The following WDFY4 variants were observed in gnomAD, a reference collection of about 807,000 sequenced individuals.
The protein encoded by WDFY4 is WDFY family member 4.
A neutral mutation model predicts 351.9 loss-of-function variants in WDFY4; 169 were observed. The observed-to-expected ratio is 0.48, with a 90% CI of 0.42 to 0.55. The LOEUF (loss-of-function observed/expected upper bound fraction) is 0.55, where lower values mean the gene tolerates loss of function less well. Ranked by LOEUF, WDFY4 falls within the 20% of genes least tolerant of loss-of-function variation. The probability of loss-of-function intolerance (pLI) is 0.00; values close to 1 mark genes in which losing one functional copy is unlikely to be tolerated. For missense variants in WDFY4, 3,803 were observed against 3,935.6 expected (o/e 0.97, Z 0.90); for synonymous variants, 1,622 against 1,574.6 (o/e 1.03, Z -0.71).
At chr10:48,805,876 A>G (rs1175664174) in intron 26 of WDFY4, 128 bp from the exon 27 acceptor site, 5 of 768,748 alleles carry the variant, frequency 6.5e-6, no homozygotes, top group Middle Eastern at 2.3e-4. Context: ...ACAGCATGCC[A>G]TGATGATTTC....
At chr10:48,914,336 G>A (rs1396015151) in intron 47 of WDFY4, 2 of 672,344 alleles carry the variant, frequency 3.0e-6, no homozygotes, top group Non-Finnish European at 4.9e-6. Flanking sequence ...GCAAGAAAGA[G>A]GATTGCGGAG....
rs891997620 is a variant in WDFY4 at position 48,873,664 on chromosome 10, T to C, written c.6915T>C (p.Ser2305=). ...TGAGGAAACGCATCAAACGCTTGTCTCCTTTGGAGGCCCTGAGCTCAGGAA... is the reference window on the plus strand; with the variant it reads ...TGAGGAAACGCATCAAACGCTTGTCCCCTTTGGAGGCCCTGAGCTCAGGAA... ...ARMRKRIKRL[S]PLEALSSGRH... Residue 2305 remains serine, a synonymous_variant, in exon 41 of 62, where the codon TCT becomes TCC. Transcript: ENST00000325239. 2 of 1,551,838 alleles carry C rather than the reference T, an allele frequency of 1.3e-6. No individual in the cohort carries two copies. Among genetic ancestry groups the C allele is most frequent in the Non-Finnish European group, 1.7e-6 (2 of 1,147,020 alleles).
At chr10:48,868,001 A>T (rs377126619) in intron 40 of WDFY4, among the ~76,000 whole-genome samples, 1 of 152,170 alleles carries the variant, frequency 6.6e-6, no homozygotes. Context: ...CCCACAATAC[A>T]TGGTGATGAG....
intron 11 of WDFY4, among the ~76,000 whole-genome samples, chr10:48,737,068 T>C (rs977023646): frequency 1.1e-4 from 17 of 152,240 alleles, no homozygotes; most frequent in African/African-American, 3.6e-4. Flanking sequence ...TTTACATAGC[T>C]TTTGTCTTTG....
intron 35 of WDFY4, among the ~76,000 whole-genome samples, chr10:48,822,747 C>G (rs1357941958): frequency 6.6e-6 from 1 of 152,218 alleles, no homozygotes; most frequent in Non-Finnish European, 1.5e-5. Flanking sequence ...TGAGCCCAGT[C>G]CCAGGGATTG....
intron 1 of WDFY4, among the ~76,000 whole-genome samples, chr10:48,702,355 C>G (rs920386354): frequency 6.6e-6 from 1 of 152,190 alleles, no homozygotes; most frequent in African/African-American, 2.4e-5. Context: ...ACATTTCTAT[C>G]CCCCGCAAAA....
intron 4 of WDFY4, 105 bp from the exon 5 acceptor site, chr10:48,723,328 G>A: frequency 7.2e-7 from 1 of 1,389,686 alleles, no homozygotes; most frequent in Non-Finnish European, 9.6e-7. Context: ...CAGAGGGACT[G>A]TCCCATGGCC....
At chr10:48,820,116 C>A (rs2067765490) in intron 32 of WDFY4, 118 bp from the exon 33 acceptor site, 1 of 1,189,944 alleles carries the variant, frequency 8.4e-7, no homozygotes, top group Non-Finnish European at 1.2e-6. Context: ...TGCGGAGCCT[C>A]AATTTCCGTA....
rs2063722686 is a variant in WDFY4, at chr10:48,709,795, A to C, written c.63A>C (p.Glu21Asp). 3 of 1,551,814 alleles carry C rather than the reference A, an allele frequency of 1.9e-6. No individual in the cohort carries two copies. The highest frequency in any genetic ancestry group is 8.7e-7 in the Non-Finnish European group (1 of 1,147,046). ...ATGAAGACCCAGGTTCCAAAAATGAAGGGCAGCTTGCTGCTGTGCAGCCTG... is the reference window on the plus strand; with the variant it reads ...ATGAAGACCCAGGTTCCAAAAATGACGGGCAGCTTGCTGCTGTGCAGCCTG... ...DRNEDPGSKN[E>D]GQLAAVQPDV... The change falls in exon 2 of 62, where the codon GAA (glutamate) becomes GAC (aspartate). Residue 21 changes from glutamate to aspartate, a missense_variant. Around this residue, in one of 3 missense-constraint regions of WDFY4, gnomAD observed 488 missense variants for 456.8 expected, o/e 1.07. Coordinates refer to ENST00000325239, the MANE Select transcript of WDFY4 (RefSeq NM_001394531.1).
At chr10:48,982,208 G>A (rs1251377174) in intron 61 of WDFY4, among the ~76,000 whole-genome samples, 1 of 152,236 alleles carries the variant, frequency 6.6e-6, no homozygotes, top group Non-Finnish European at 1.5e-5. Flanking sequence ...TATTTCTCTG[G>A]TGGGACAGGA....
intron 39 of WDFY4, among the ~76,000 whole-genome samples, chr10:48,844,711 T>A (rs909060796): frequency 1.3e-5 from 2 of 152,128 alleles, no homozygotes; most frequent in African/African-American, 2.4e-5. Flanking sequence ...GATCTTCGAA[T>A]CAAATGAAAG....
intron 1 of WDFY4, among the ~76,000 whole-genome samples, chr10:48,700,770 C>T (rs1189750827): frequency 1.3e-5 from 2 of 152,172 alleles, no homozygotes; most frequent in African/African-American, 4.8e-5. Context: ...GGCAGGGGGC[C>T]TAGTGCGGAG....
intron 13 of WDFY4, among the ~76,000 whole-genome samples, chr10:48,762,042 G>A (rs2065523531): frequency 6.6e-6 from 1 of 152,226 alleles, no homozygotes; most frequent in Non-Finnish European, 1.5e-5. Context: ...TCCAGAGGAT[G>A]AATAGAGGGA....
intron 43 of WDFY4, among the ~76,000 whole-genome samples, chr10:48,881,388 G>T (rs1205537935): frequency 1.3e-5 from 2 of 152,302 alleles, no homozygotes; most frequent in Non-Finnish European, 2.9e-5. Flanking sequence ...AACTCTGGGG[G>T]TCTCCATGGG....
At chr10:48,796,739 A>G (rs962534660) in intron 24 of WDFY4, among the ~76,000 whole-genome samples, 7 of 152,210 alleles carry the variant, frequency 4.6e-5, no homozygotes, top group African/African-American at 1.7e-4. Flanking sequence ...TAAGCCAGAT[A>G]GTATCTGGGA....
intron 40 of WDFY4, among the ~76,000 whole-genome samples, chr10:48,869,942 A>C (rs1331941162): frequency 6.6e-6 from 1 of 152,222 alleles, no homozygotes; most frequent in African/African-American, 2.4e-5. Context: ...AGGCAACAAA[A>C]AAAATGTCTT....
At position 48,885,331 on chromosome 10, in the gene WDFY4, C is replaced by A. The variant is rs561709298; in HGVS notation, c.7168-5248C>A. Among the ~76,000 whole-genome samples, 11 of 152,330 alleles carry A rather than the reference C, an allele frequency of 7.2e-5. No individual in the cohort carries two copies. The South Asian group carries it at 2.1e-3, about 29-fold the overall frequency. On this transcript the variant is annotated intron_variant, in intron 43 of 61. Coordinates refer to ENST00000325239, the MANE Select transcript of WDFY4 (RefSeq NM_001394531.1). The stretch of plus-strand genomic sequence containing the variant: ...CCAAGTTTTACAATATTCAGAGCTA[C>A]CCTGGCTAAAAATGCGCTCCAATTT...
At chr10:48,974,730 A>T in intron 57 of WDFY4, 132 bp from the exon 58 acceptor site, 1 of 939,664 alleles carries the variant, frequency 1.1e-6, no homozygotes, top group East Asian at 2.6e-5. Flanking sequence ...CAGACAACAG[A>T]CTTGGGAATC....
chr10:48,909,504 T>C (rs1837815525), intron 47 of WDFY4: 2 of 152,136 alleles, frequency 1.3e-5, no homozygotes, highest in South Asian at 4.1e-4. Flanking sequence ...AAGAAGTTTA[T>C]TTGAGTCATG....
Sources: gnomAD v4.1 joint callset for allele counts (sites outside exome capture counted in the v4.1 genomes callset) on GRCh38, gnomAD v4.1.1 for gene constraint, gnomAD v4.1.1 regional missense constraint, MANE v1.5 for transcripts, NCBI Gene and HGNC (gene_info 2026-07-23, HGNC 2026-07-21) for gene names.